The following ADGRF5 variants were observed in gnomAD, a reference collection of about 807,000 sequenced individuals.
ADGRF5 encodes G-protein coupled receptor 116.
Under a neutral mutation model 132.3 loss-of-function variants are expected in ADGRF5, and 75 were observed. The observed-to-expected ratio is 0.57, with a 90% CI of 0.47 to 0.69. The LOEUF is 0.69. ADGRF5 is among the 30% of genes least tolerant of loss of function. ADGRF5 has a pLI of 0.00. For synonymous variants in ADGRF5, 629 were observed against 597.6 expected, an observed-to-expected ratio of 1.05 and a Z score of -0.77; for missense variants, 1,516 against 1,630.6, an observed-to-expected ratio of 0.93 and a Z score of 1.21.
chr6:46,878,057 G>A (rs756021084), intron 10 of ADGRF5, 145 bp downstream of exon 10: 19 of 636,612 alleles, frequency 3.0e-5, no homozygotes, highest in Non-Finnish European at 4.2e-5. Flanking sequence ...GCTGGAGCTG[G>A]CATCAAACCT....
At position 46,898,928 on chromosome 6, in the gene ADGRF5, A is replaced by C. The variant is rs189329498; in HGVS notation, c.157+1101T>G. Among the ~76,000 whole-genome samples the C allele has an allele frequency of 2.0e-5, 3 of 152,364 alleles. No homozygotes were observed. In the East Asian group the frequency reaches 5.8e-4, roughly 29 times the overall value. On this transcript the variant is annotated intron_variant, in intron 3 of 20. Transcript: ENST00000283296. ...TGTAATGTGAACGTGCAAGTGCTTC[A>C]TCTATTCGCTCACTGGTTGAGAAAG...
chr6:46,912,235 G>A (rs1776015609), intron 1 of ADGRF5, among the ~76,000 whole-genome samples: 1 of 152,184 alleles, frequency 6.6e-6, no homozygotes, highest in Non-Finnish European at 1.5e-5. Context: ...GGCTATACCA[G>A]AAGGACCTGA....
Position 46,950,756 on chromosome 6 carries a change from G to A in ADGRF5, c.-25+3978C>T, listed in dbSNP as rs151249720. 6.6e-3 allele frequency among the ~76,000 whole-genome samples: 1,007 copies of A among 152,208 alleles called. 14 individuals carry two copies. Among genetic ancestry groups the A allele is most frequent in the African/African-American group, 0.022 (906 of 41,516 alleles). On this transcript the variant is annotated intron_variant, in intron 1 of 20. Coordinates refer to the ADGRF5 transcript ENST00000265417. The stretch of plus-strand genomic sequence containing the variant: ...TCTCGATCTCTTGACTTCGTGATCC[G>A]CTCACCTCAGCCTCCCAAAGTGCTG...
rs141334480 is a variant in ADGRF5, at chr6:46,951,806, G to A, written c.-25+2928C>T. Among the ~76,000 whole-genome samples the A allele has an allele frequency of 9.3e-3, 1,422 of 152,312 alleles. 16 individuals carry two copies. Among genetic ancestry groups the A allele is most frequent in the African/African-American group, 0.032 (1,343 of 41,558 alleles). Reference sequence around the variant, plus strand: ...CTGAGTTGCAGGGCACTGCTCTCCAGGAGTCACGGGCAAACTGTGCTGTTG... The same window carrying A: ...CTGAGTTGCAGGGCACTGCTCTCCAAGAGTCACGGGCAAACTGTGCTGTTG... On this transcript the variant is annotated intron_variant, in intron 1 of 20. Transcript: ENST00000265417.
chr6:46,856,601 T>A, intron 19 of ADGRF5, 117 bp downstream of exon 19: 1 of 679,426 alleles, frequency 1.5e-6, no homozygotes, highest in Non-Finnish European at 2.6e-6. Context: ...GAGGATGCAA[T>A]ATATTTAGCC....
chr6:46,861,350 T>C (rs1769726014), intron 15 of ADGRF5, among the ~76,000 whole-genome samples: 1 of 152,156 alleles, frequency 6.6e-6, no homozygotes, highest in Non-Finnish European at 1.5e-5. Flanking sequence ...TTATTAAGAG[T>C]GCCCTCTTAT....
chr6:46,857,545 G>T (rs1769198682), intron 17 of ADGRF5, among the ~76,000 whole-genome samples: 2 of 152,166 alleles, frequency 1.3e-5, no homozygotes, highest in African/African-American at 4.8e-5. Context: ...CTAACAAACT[G>T]GCCTGCACTG....
At chr6:46,880,146 T>A in intron 8 of ADGRF5, 107 bp from the exon 9 acceptor site, 1 of 759,608 alleles carries the variant, frequency 1.3e-6, no homozygotes, top group Non-Finnish European at 2.2e-6. Flanking sequence ...TGACAGCATC[T>A]GTGGTGCTGA....
At chr6:46,867,492 C>A (rs1020695306) in intron 12 of ADGRF5, among the ~76,000 whole-genome samples, 1 of 152,158 alleles carries the variant, frequency 6.6e-6, no homozygotes, top group Non-Finnish European at 1.5e-5. Flanking sequence ...TTTTGCCGTG[C>A]GCAGAGGTGG....
At chr6:46,915,356 G>A (rs1361153825) in intron 1 of ADGRF5, among the ~76,000 whole-genome samples, 1 of 151,974 alleles carries the variant, frequency 6.6e-6, no homozygotes, top group African/African-American at 2.4e-5. Context: ...TGCAGGAGCA[G>A]GGCCTGGGGG....
At chr6:46,877,034 C>T (rs748008563) in intron 10 of ADGRF5, among the ~76,000 whole-genome samples, 7 of 152,170 alleles carry the variant, frequency 4.6e-5, no homozygotes, top group Non-Finnish European at 8.8e-5. Flanking sequence ...TACAGATAAG[C>T]GCATTATACT....
intron 6 of ADGRF5, among the ~76,000 whole-genome samples, chr6:46,883,278 T>C (rs1216680649): frequency 2.6e-5 from 4 of 152,146 alleles, no homozygotes. Context: ...CTATAGGTTC[T>C]TGGGGCTTTG....
chr6:46,918,085 C>T (rs1374043312), intron 1 of ADGRF5, among the ~76,000 whole-genome samples: 3 of 152,268 alleles, frequency 2.0e-5, no homozygotes, highest in East Asian at 3.9e-4. Context: ...TTCACGTTGG[C>T]GATTACCTTT....
At position 46,904,149 on chromosome 6, in the gene ADGRF5, T is replaced by C. The variant is rs543606184; in HGVS notation, c.102+2512A>G. 5.3e-5 allele frequency among the ~76,000 whole-genome samples: 8 copies of C among 152,316 alleles called. No individual in the cohort carries two copies. The East Asian group carries it at 1.5e-3, about 29-fold the overall frequency. On this transcript the variant is annotated intron_variant, in intron 2 of 20. Transcript: ENST00000283296. ...AGCATCCTGAGCTAAAATCTGCATT[T>C]GAAGAAGGTCTCTGGGCAGATCCAT... is the stretch of plus-strand genomic sequence containing the variant.
chr6:46,954,891 T>C lies in ADGRF5; in HGVS notation c.-182A>G, dbSNP rs546481071. ...AAGACCAGACTTCAAATGCTGGGGC[T>C]CTTGCGGGTTCCCAGGCTGTCGGGA... On this transcript the variant is annotated 5_prime_UTR_variant, in exon 1 of 21. Coordinates refer to the ADGRF5 transcript ENST00000265417. 5.3e-5 allele frequency: 8 copies of C among 152,020 alleles called. No homozygotes were observed. In the East Asian group the frequency reaches 1.4e-3, roughly 26 times the overall value. The allele number at this position is 152,020 out of a possible 1,614,324, so 9.4% of individuals were successfully genotyped here. A position where few individuals can be genotyped will look rare whatever the true frequency, so the allele number is the denominator to read the frequency against.
intron 1 of ADGRF5, among the ~76,000 whole-genome samples, chr6:46,912,226 G>T (rs1299558115): frequency 3.9e-5 from 6 of 152,158 alleles, no homozygotes; most frequent in Non-Finnish European, 7.3e-5. Context: ...TTTACAAAAG[G>T]CTATACCAGA....
At chr6:46,868,833 T>C (rs1439068343) in intron 12 of ADGRF5, 50 bp downstream of exon 12, 1 of 1,178,278 alleles carries the variant, frequency 8.5e-7, no homozygotes, top group Non-Finnish European at 1.2e-6. Flanking sequence ...TATTATTGCA[T>C]GTTTCCAAGA....
intron 17 of ADGRF5, among the ~76,000 whole-genome samples, chr6:46,857,346 G>A (rs1019621206): frequency 1.3e-5 from 2 of 152,170 alleles, no homozygotes; most frequent in African/African-American, 4.8e-5. Context: ...TATGTTCTTG[G>A]CACAAGCATC....
At chr6:46,940,951 T>A (rs1265070635) in intron 1 of ADGRF5, among the ~76,000 whole-genome samples, 4 of 152,210 alleles carry the variant, frequency 2.6e-5, no homozygotes, top group African/African-American at 7.2e-5. Flanking sequence ...TAGTTCTGGC[T>A]AAGTTCTTGG....
Sources: allele counts gnomAD v4.1 joint callset (sites outside exome capture counted in the v4.1 genomes callset), GRCh38; gene constraint gnomAD v4.1.1; transcripts MANE v1.5; gene names NCBI Gene and HGNC (gene_info 2026-07-23, HGNC 2026-07-21).